LINS1: variants seen among roughly 807,000 people sequenced by gnomAD.
LINS1 encodes protein Lines homolog 1.
Under a neutral mutation model 41.6 loss-of-function variants are expected in LINS1, and 27 were observed. The ratio of observed to expected loss-of-function variants is 0.65; its 90% confidence interval spans 0.48 to 0.89. The LOEUF is 0.89. Ranked by LOEUF, LINS1 falls within the 40% of genes least tolerant of loss-of-function variation. The pLI is 0.00. For synonymous variants in LINS1, 336 were observed against 312.9 expected (o/e 1.07, Z -0.78); for missense variants, 955 against 884.1 (o/e 1.08, Z -1.02).
chr15:100,570,776 T>A (rs1408649629), intron 6 of LINS1: 2 of 152,344 alleles, frequency 1.3e-5, no homozygotes, highest in East Asian at 3.9e-4. Context: ...TATGAGCCAA[T>A]AAATGCTGGC....
chr15:100,592,002 T>C (rs761767770), intron 1 of LINS1, among the ~76,000 whole-genome samples: 2 of 152,176 alleles, frequency 1.3e-5, no homozygotes, highest in Non-Finnish European at 2.9e-5. Context: ...CTAAATCAAA[T>C]GGAAACACTT....
At position 100,580,937 on chromosome 15, in the gene LINS1, C is replaced by A; in HGVS notation, c.-95G>T. ...GCAATGAATCTCTAAGAAGTTTCTTCAGTGAAACCTAAAATAGGAAAAATA... is the reference window on the plus strand; with the variant it reads ...GCAATGAATCTCTAAGAAGTTTCTTAAGTGAAACCTAAAATAGGAAAAATA... On this transcript the variant is annotated 5_prime_UTR_variant, in exon 2 of 7. Transcript: ENST00000314742. The A allele has an allele frequency of 8.7e-7, 1 of 1,146,568 alleles. No homozygotes were observed. The highest frequency in any genetic ancestry group is 1.4e-5 in the South Asian group (1 of 71,286). 71.0% of individuals were successfully genotyped at this position (1,146,568 alleles called of 1,614,324 possible).
rs1393817145 is a variant in LINS1, at chr15:100,568,593, G to A, written c.*645C>T. On this transcript the variant is annotated 3_prime_UTR_variant, in exon 7 of 7. Transcript: ENST00000314742. ...TGAGGGCATTGCCCTGCTGAAGCCT[G>A]AGTTTGGATTCTGGCCTCCAAAACT... The A allele has an allele frequency of 6.6e-6, 1 of 152,530 alleles. No individual in the cohort carries two copies. Among genetic ancestry groups the A allele is most frequent in the East Asian group, 1.9e-4 (1 of 5,198 alleles). The allele number at this position is 152,530 out of a possible 1,614,324, so 9.4% of individuals were successfully genotyped here.
chr15:100,587,294 A>G (rs934992539), intron 1 of LINS1, among the ~76,000 whole-genome samples: 1 of 151,374 alleles, frequency 6.6e-6, no homozygotes, highest in Non-Finnish European at 1.5e-5. Context: ...ACTGTTTTGC[A>G]TGGATAGTGC....
intron 1 of LINS1, among the ~76,000 whole-genome samples, chr15:100,582,109 G>GC (rs554333879): frequency 3.0e-4 from 45 of 152,018 alleles, no homozygotes; most frequent in African/African-American, 1.0e-3. Flanking sequence ...CTACAATATG[G>GC]CCACTAGCCT....
At chr15:100,571,312 G>A (rs1467853985) in intron 6 of LINS1, among the ~76,000 whole-genome samples, 1 of 152,182 alleles carries the variant, frequency 6.6e-6, no homozygotes, top group Non-Finnish European at 1.5e-5. Flanking sequence ...AAGGTCATCG[G>A]TTATTAGCTT....
chr15:100,588,899 T>G lies in LINS1; in HGVS notation c.-103-7954A>C, dbSNP rs548446539. On this transcript the variant is annotated intron_variant, in intron 1 of 6. Transcript: ENST00000314742. ...AATTTATGCAAGAAATGTTGTACAATTTAAAGGTGATTAGGCCTCCTAAAT... is the reference window on the plus strand; with the variant it reads ...AATTTATGCAAGAAATGTTGTACAAGTTAAAGGTGATTAGGCCTCCTAAAT... 1.2e-4 allele frequency among the ~76,000 whole-genome samples: 18 copies of G among 152,318 alleles called. No homozygotes were observed. The East Asian group carries it at 2.9e-3, about 24-fold the overall frequency.
intron 3 of LINS1, among the ~76,000 whole-genome samples, chr15:100,579,457 T>C (rs546765191): frequency 1.7e-4 from 26 of 150,720 alleles, no homozygotes; most frequent in Middle Eastern, 3.4e-3. Context: ...TGAATAAAAA[T>C]TATGACAGTA....
intron 1 of LINS1, among the ~76,000 whole-genome samples, chr15:100,587,970 C>T (rs55660994): frequency 0.18 from 27,780 of 152,084 alleles, 2,798 homozygotes; most frequent in Admixed American, 0.28. Context: ...TCTGGCATGC[C>T]GGCAAAAGGG....
chr15:100,573,116 CCTCTCT>C (rs72034999), intron 5 of LINS1: 10 of 153,374 alleles, frequency 6.5e-5, no homozygotes, highest in African/African-American at 1.5e-4. Flanking sequence ...TCTGTCTTCT[CCTCTCT>C]CTCTCTCTCT....
rs1429336716 is a variant in LINS1 at position 100,572,072 on chromosome 15, A to C, written c.1223-7T>G. On this transcript the variant is annotated splice_region_variant and splice_polypyrimidine_tract_variant and intron_variant, in intron 5 of 6. Transcript: ENST00000314742. The stretch of plus-strand genomic sequence containing the variant: ...ATGAACCTCTGTAAGTCAACTTCAA[A>C]AAATGAAAATTTCAAAGTGTAGGCA... 6.2e-7 allele frequency: 1 copy of C among 1,614,026 alleles called. No individual in the cohort carries two copies. The highest frequency in any genetic ancestry group is 1.3e-5 in the African/African-American group (1 of 74,940).
chr15:100,589,533 TG>T (rs1383070580), intron 1 of LINS1, among the ~76,000 whole-genome samples: 1 of 152,268 alleles, frequency 6.6e-6, no homozygotes, highest in Non-Finnish European at 1.5e-5. Context: ...CATGGACTCA[TG>T]GAGGACCAGG....
intron 1 of LINS1, among the ~76,000 whole-genome samples, chr15:100,584,571 GA>G (rs66866479): frequency 0.17 from 24,893 of 146,442 alleles, 2,392 homozygotes; most frequent in South Asian, 0.23. Context: ...AGAGACAGAG[GA>G]AAAAAAAAAA....
intron 1 of LINS1, among the ~76,000 whole-genome samples, chr15:100,598,596 G>A (rs2141367179): frequency 6.6e-6 from 1 of 152,242 alleles, no homozygotes; most frequent in South Asian, 2.1e-4. Flanking sequence ...AATTACCAGG[G>A]CAAGAACTAT....
At position 100,567,750 on chromosome 15, in the gene LINS1, C is replaced by G. The variant is rs1385656832; in HGVS notation, c.*1488G>C. On this transcript the variant is annotated 3_prime_UTR_variant, in exon 7 of 7. Transcript: ENST00000314742. ...CGGTAGAAACTGCCTTAACGCATAG[C>G]CTCACCGACAGCATGTTAAAACGCA... 1.3e-5 allele frequency: 2 copies of G among 152,192 alleles called. No individual in the cohort carries two copies. The highest frequency in any genetic ancestry group is 4.8e-5 in the African/African-American group (2 of 41,446). The allele number at this position is 152,192 out of a possible 1,614,324, so 9.4% of individuals were successfully genotyped here.
intron 1 of LINS1, among the ~76,000 whole-genome samples, chr15:100,600,551 C>CCAAAAAAAAAAA (rs777968890): frequency 1.3e-5 from 1 of 79,680 alleles, no homozygotes; most frequent in African/African-American, 6.7e-5. Flanking sequence ...TGCTGTTAAG[C>CCAAAAAAAAAAA]AAAAAAAAAA....
At chr15:100,584,148 ATTTCT>A (rs997725104) in intron 1 of LINS1, among the ~76,000 whole-genome samples, 3 of 152,202 alleles carry the variant, frequency 2.0e-5, no homozygotes, top group Non-Finnish European at 2.9e-5. Flanking sequence ...TAGTTATAAC[ATTTCT>A]TTTCTAACTA....
In LINS1 at chr15:100,574,023, G is replaced by A; in HGVS notation, c.850C>T (p.Leu284=). The change falls in exon 5 of 7, where the codon CTA becomes TTA. Residue 284 remains leucine, a synonymous_variant. Coordinates refer to ENST00000314742, the MANE Select transcript of LINS1 (RefSeq NM_001040616.3). ...RILFLKPSCM[L]EVITWPIQAF... The stretch of plus-strand genomic sequence containing the variant: ...TGAATAGGCCAGGTAATAACTTCTA[G>A]CATGCAAGATGGTTTCAAAAATAAA... 1 of 1,614,002 alleles carries A rather than the reference G, an allele frequency of 6.2e-7. No homozygotes were observed. The highest frequency in any genetic ancestry group is 8.5e-7 in the Non-Finnish European group (1 of 1,179,882).
At chr15:100,588,192 G>A (rs144905051) in intron 1 of LINS1, among the ~76,000 whole-genome samples, 62 of 152,316 alleles carry the variant, frequency 4.1e-4, no homozygotes, top group African/African-American at 6.3e-4. Flanking sequence ...GATAAAAAGC[G>A]TGTGTAGGGC....
Sources: gnomAD v4.1 joint callset for allele counts (sites outside exome capture counted in the v4.1 genomes callset) on GRCh38, gnomAD v4.1.1 for gene constraint, MANE v1.5 for transcripts, NCBI Gene and HGNC (gene_info 2026-07-23, HGNC 2026-07-21) for gene names.